MLLT10: variants seen among roughly 807,000 people sequenced by gnomAD.
MLLT10 encodes MLLT10 histone lysine methyltransferase DOT1L cofactor.
In MLLT10, 30 loss-of-function variants were observed where a neutral mutation model predicts 129.1. That is an observed-to-expected ratio of 0.23 (90% CI 0.17 to 0.32). The LOEUF (loss-of-function observed/expected upper bound fraction) is 0.32, where lower values mean the gene tolerates loss of function less well. MLLT10 is among the 10% of genes least tolerant of loss of function. The pLI, the probability that MLLT10 is intolerant of heterozygous loss-of-function variation, is 1.00. For synonymous variants in MLLT10, 490 were observed against 446.4 expected, an observed-to-expected ratio of 1.10 and a Z score of -1.23; for missense variants, 1,119 against 1,268.3, an observed-to-expected ratio of 0.88 and a Z score of 1.79.
At chr10:21,604,238 A>C (rs1439953995) in intron 5 of MLLT10, among the ~76,000 whole-genome samples, 1 of 152,208 alleles carries the variant, frequency 6.6e-6, no homozygotes, top group Admixed American at 6.5e-5. Context: ...GAAAGTCCCA[A>C]ATCTCATCTT....
chr10:21,730,821 A>G, intron 16 of MLLT10, 79 bp from the exon 17 acceptor site: 2 of 1,489,112 alleles, frequency 1.3e-6, no homozygotes, highest in South Asian at 1.1e-5. Context: ...ACAGGAGAAA[A>G]GGGGTCAGCT....
intron 3 of MLLT10, chr10:21,551,881 G>T (rs1035700441): frequency 5.7e-6 from 2 of 352,890 alleles, no homozygotes; most frequent in Non-Finnish European, 5.5e-6. Flanking sequence ...TGCAACCTCT[G>T]CTCCCCGGGT....
intron 13 of MLLT10, among the ~76,000 whole-genome samples, chr10:21,705,510 C>T (rs1024207536): frequency 6.6e-6 from 1 of 152,096 alleles, no homozygotes; most frequent in Non-Finnish European, 1.5e-5. Flanking sequence ...TTCAGGTAGC[C>T]GGGGCAGCAT....
intron 3 of MLLT10, among the ~76,000 whole-genome samples, chr10:21,579,235 C>T (rs1159256443): frequency 6.6e-6 from 1 of 152,204 alleles, no homozygotes; most frequent in Admixed American, 6.5e-5. Context: ...TATCCAGTCA[C>T]TGTTCCCTCT....
At position 21,743,461 on chromosome 10, in the gene MLLT10, T is replaced by A. The variant is rs1394330877; in HGVS notation, c.*1478T>A. ...AAAGTCAAATCTTTTGTAGATAATT[T>A]AAAAAATCAGTGTGGTTTATTTTAC... On this transcript the variant is annotated 3_prime_UTR_variant, in exon 23 of 23. Transcript: ENST00000307729. The A allele has an allele frequency of 2.1e-5, 4 of 191,602 alleles. No individual in the cohort carries two copies. Among genetic ancestry groups the A allele is most frequent in the African/African-American group, 9.3e-5 (4 of 43,076 alleles). The allele number at this position is 191,602 out of a possible 1,614,324, so 11.9% of individuals were successfully genotyped here.
intron 8 of MLLT10, among the ~76,000 whole-genome samples, chr10:21,623,555 A>G (rs767035611): frequency 3.3e-5 from 5 of 152,190 alleles, no homozygotes; most frequent in Non-Finnish European, 5.9e-5. Context: ...AAAGACACAC[A>G]CACTTATTAT....
chr10:21,556,512 G>C (rs2038004622), intron 3 of MLLT10: 1 of 643,030 alleles, frequency 1.6e-6, no homozygotes, highest in African/African-American at 1.8e-5. Context: ...AGCTGCTCCT[G>C]GTGTCTCTGA....
chr10:21,645,151 G>GGGTA (rs1449986205), intron 8 of MLLT10, among the ~76,000 whole-genome samples: 1 of 152,142 alleles, frequency 6.6e-6, no homozygotes, highest in East Asian at 1.9e-4. Flanking sequence ...GGGAATTAAG[G>GGGTA]GGTAGGATTA....
At chr10:21,592,980 T>G (rs1466864546) in intron 4 of MLLT10, among the ~76,000 whole-genome samples, 1 of 152,188 alleles carries the variant, frequency 6.6e-6, no homozygotes, top group East Asian at 1.9e-4. Context: ...TTCATGTGTC[T>G]TATTCCATTT....
At chr10:21,573,067 A>G (rs1437754167) in intron 3 of MLLT10, among the ~76,000 whole-genome samples, 1 of 152,178 alleles carries the variant, frequency 6.6e-6, no homozygotes, top group Non-Finnish European at 1.5e-5. Flanking sequence ...TACTTAAGTC[A>G]TATTAATTCT....
rs1000530155 is a variant in MLLT10 at position 21,536,131 on chromosome 10, G to A, written c.160+1327G>A. ...TAATTTGTATTTTTTAGTAGAGACG[G>A]GGTTTCGCCATGTTGGCCAGGCTGG... is the stretch of plus-strand genomic sequence containing the variant. On this transcript the variant is annotated intron_variant, in intron 2 of 22. Transcript: ENST00000307729. Among the ~76,000 whole-genome samples the A allele has an allele frequency of 2.6e-5, 4 of 152,264 alleles. No individual in the cohort carries two copies. In the South Asian group the frequency reaches 8.3e-4, roughly 32 times the overall value.
chr10:21,700,247 C>T (rs1015844054), intron 13 of MLLT10, among the ~76,000 whole-genome samples: 4 of 151,532 alleles, frequency 2.6e-5, no homozygotes, highest in Non-Finnish European at 5.9e-5. Context: ...CTGAATTTAT[C>T]AGTTCTTATA....
intron 6 of MLLT10, among the ~76,000 whole-genome samples, chr10:21,613,376 T>C (rs2044865630): frequency 6.6e-6 from 1 of 152,164 alleles, no homozygotes; most frequent in Non-Finnish European, 1.5e-5. Context: ...TACATGCTCA[T>C]TTCCTGAGTT....
intron 3 of MLLT10, among the ~76,000 whole-genome samples, chr10:21,584,325 C>T (rs557318171): frequency 5.7e-4 from 86 of 151,738 alleles, no homozygotes; most frequent in African/African-American, 1.9e-3. Context: ...CACCACATCC[C>T]GCTAATTTTT....
chr10:21,565,888 G>C (rs1223509572), intron 3 of MLLT10, among the ~76,000 whole-genome samples: 1 of 149,970 alleles, frequency 6.7e-6, no homozygotes, highest in Non-Finnish European at 1.5e-5. Context: ...TTACAGGCAT[G>C]AGCCACCATG....
chr10:21,701,401 C>T (rs1034311872), intron 13 of MLLT10, among the ~76,000 whole-genome samples: 1 of 150,538 alleles, frequency 6.6e-6, no homozygotes, highest in African/African-American at 2.4e-5. Context: ...TGAGGTGCAT[C>T]ATTAGATTGT....
chr10:21,554,686 T>C (rs1211231338), intron 3 of MLLT10, among the ~76,000 whole-genome samples: 1 of 151,648 alleles, frequency 6.6e-6, no homozygotes, highest in Non-Finnish European at 1.5e-5. Context: ...GGTCTCGATC[T>C]CCTGACCTCG....
At chr10:21,636,433 GA>G (rs1256397496) in intron 8 of MLLT10, among the ~76,000 whole-genome samples, 2 of 152,062 alleles carry the variant, frequency 1.3e-5, no homozygotes, top group Middle Eastern at 3.4e-3. Flanking sequence ...ACCGGCCCAT[GA>G]TTTTTTTATA....
intron 3 of MLLT10, among the ~76,000 whole-genome samples, chr10:21,563,391 C>T (rs962650457): frequency 7.2e-5 from 11 of 151,968 alleles, no homozygotes; most frequent in African/African-American, 1.7e-4. Context: ...GGTGTGATGG[C>T]GGGCACCTGT....
Sources: gnomAD v4.1 joint callset for allele counts (sites outside exome capture counted in the v4.1 genomes callset) on GRCh38, gnomAD v4.1.1 for gene constraint, MANE v1.5 for transcripts, NCBI Gene and HGNC (gene_info 2026-07-23, HGNC 2026-07-21) for gene names.